SLCO3A1: variants seen among roughly 807,000 people sequenced by gnomAD.
SLCO3A1 encodes PGE1 transporter.
A neutral mutation model predicts 63.1 loss-of-function variants in SLCO3A1; 27 were observed. The ratio of observed to expected loss-of-function variants is 0.43; its 90% CI spans 0.32 to 0.59. SLCO3A1 has a LOEUF of 0.59. Among genes scored for constraint, SLCO3A1 ranks in the 20% least tolerant of loss-of-function variants. SLCO3A1 has a pLI of 0.09. For missense variants in SLCO3A1, 773 were observed against 945.8 expected (o/e 0.82, Z 2.40); for synonymous variants, 473 against 409.9 (o/e 1.15, Z -1.86).
At chr15:92,151,626 G>C (rs936157318) in intron 9 of SLCO3A1, among the ~76,000 whole-genome samples, 3 of 152,206 alleles carry the variant, frequency 2.0e-5, no homozygotes, top group South Asian at 2.1e-4. Context: ...CTGGGCACTG[G>C]CTGGGCTGAC....
At chr15:91,971,387 T>TC (rs1391723033) in intron 2 of SLCO3A1, among the ~76,000 whole-genome samples, 2 of 13,050 alleles carry the variant, frequency 1.5e-4, no homozygotes, top group African/African-American at 6.7e-4. Flanking sequence ...AGAGCGAGAC[T>TC]CCATCTCAAA....
intron 2 of SLCO3A1, among the ~76,000 whole-genome samples, chr15:91,958,045 G>A (rs1485813663): frequency 6.6e-6 from 1 of 151,992 alleles, no homozygotes; most frequent in Non-Finnish European, 1.5e-5. Flanking sequence ...TAAATATATT[G>A]GAAAAATTGT....
chr15:91,866,114 T>G (rs1897158656), intron 1 of SLCO3A1, among the ~76,000 whole-genome samples: 1 of 152,222 alleles, frequency 6.6e-6, no homozygotes, highest in Non-Finnish European at 1.5e-5. Flanking sequence ...ATGAACCTAG[T>G]TGGATGATTC....
rs189656866 is a variant in SLCO3A1, at chr15:92,054,378, C to T, written c.647-40503C>T. On this transcript the variant is annotated intron_variant, in intron 2 of 9. Transcript: ENST00000318445. ...GTTTGTTTTAACAGTTGTAGCACCA[C>T]AGTGAATCTTTAGTCAAGCAAAAAA... Among the ~76,000 whole-genome samples, 136 of 152,344 alleles carry T rather than the reference C, an allele frequency of 8.9e-4. 1 individual carries two copies. Among genetic ancestry groups the T allele is most frequent in the African/African-American group, 3.2e-3 (135 of 41,584 alleles).
chr15:91,989,328 A>G (rs1432560168), intron 2 of SLCO3A1, among the ~76,000 whole-genome samples: 1 of 152,192 alleles, frequency 6.6e-6, no homozygotes, highest in Non-Finnish European at 1.5e-5. Context: ...TGTAACATAC[A>G]TAGTCCCCTT....
intron 4 of SLCO3A1, among the ~76,000 whole-genome samples, chr15:92,112,110 G>A (rs1408577845): frequency 1.3e-5 from 2 of 152,192 alleles, no homozygotes; most frequent in East Asian, 3.9e-4. Context: ...ATTAAAGATT[G>A]TAGCATTTCA....
At chr15:92,157,049 G>A (rs1339208548) in intron 9 of SLCO3A1, 1 of 152,202 alleles carries the variant, frequency 6.6e-6, no homozygotes, top group Non-Finnish European at 1.5e-5. Flanking sequence ...AGCAAGTTAT[G>A]CATTGAAATA....
At chr15:92,123,517 T>C (rs1243728579) in intron 5 of SLCO3A1, among the ~76,000 whole-genome samples, 1 of 152,226 alleles carries the variant, frequency 6.6e-6, no homozygotes, top group Non-Finnish European at 1.5e-5. Flanking sequence ...ACAAGTCTTA[T>C]GTTTTTCTTT....
At chr15:92,023,337 A>G (rs1877829341) in intron 2 of SLCO3A1, among the ~76,000 whole-genome samples, 2 of 152,248 alleles carry the variant, frequency 1.3e-5, no homozygotes, top group African/African-American at 4.8e-5. Context: ...TAGCCTGGTC[A>G]TATTTTCAAG....
intron 7 of SLCO3A1, among the ~76,000 whole-genome samples, chr15:92,143,393 T>TAAAATA (rs1567142694): frequency 5.5e-4 from 2 of 3,664 alleles, no homozygotes; most frequent in African/African-American, 2.6e-3. Context: ...AATATATATA[T>TAAAATA]TATATAATAT....
chr15:92,054,480 C>T (rs2046998515), intron 2 of SLCO3A1, among the ~76,000 whole-genome samples: 1 of 152,096 alleles, frequency 6.6e-6, no homozygotes, highest in Non-Finnish European at 1.5e-5. Context: ...TTCTGGGATA[C>T]ATGTGCATGA....
At chr15:92,095,986 C>G (rs2047534023) in intron 3 of SLCO3A1, among the ~76,000 whole-genome samples, 1 of 152,182 alleles carries the variant, frequency 6.6e-6, no homozygotes, top group Non-Finnish European at 1.5e-5. Flanking sequence ...AAGAAATAAC[C>G]CCAAACCTAA....
Position 91,854,098 on chromosome 15 carries a change from C to T in SLCO3A1, c.180+10C>T. ...GGTGGGCGCCTACCTGGTGAGTCCC[C>T]GAGCCAACTCCGCCGCGGGCCCCTT... is the stretch of plus-strand genomic sequence containing the variant. On this transcript the variant is annotated intron_variant, in intron 1 of 9. Coordinates refer to ENST00000318445, the MANE Select transcript of SLCO3A1 (RefSeq NM_013272.4). This position sits in a 1 kb window ranked among gnomAD's most constrained non-coding sequence, Gnocchi z 6.4. 6.7e-7 allele frequency: 1 copy of T among 1,491,304 alleles called. No homozygotes were observed. Among genetic ancestry groups the T allele is most frequent in the South Asian group, 1.3e-5 (1 of 77,862 alleles). The allele number at this position is 1,491,304 out of a possible 1,614,324, so 92.4% of individuals were successfully genotyped here. A position where few individuals can be genotyped will look rare whatever the true frequency, so the allele number is the denominator to read the frequency against.
Position 91,972,131 on chromosome 15 carries a change from A to G in SLCO3A1, c.646+55673A>G, listed in dbSNP as rs112853485. On this transcript the variant is annotated intron_variant, in intron 2 of 9. Coordinates refer to ENST00000318445, the MANE Select transcript of SLCO3A1 (RefSeq NM_013272.4). ...ATAAAGGGGTGAGGGAGAGGGTTTTATGTAGAGCTCTATACCTATGATACC... is the reference window on the plus strand; with the variant it reads ...ATAAAGGGGTGAGGGAGAGGGTTTTGTGTAGAGCTCTATACCTATGATACC... Among the ~76,000 whole-genome samples the G allele has an allele frequency of 2.4e-3, 373 of 152,264 alleles. 1 individual carries two copies. The highest frequency in any genetic ancestry group is 3.8e-3 in the Non-Finnish European group (257 of 68,018).
chr15:92,058,820 C>T (rs1260615368), intron 2 of SLCO3A1, among the ~76,000 whole-genome samples: 4 of 152,200 alleles, frequency 2.6e-5, no homozygotes, highest in Non-Finnish European at 4.4e-5. Context: ...CGCCTGCCTT[C>T]TGGTGGTTGC....
At chr15:91,946,050 G>A (rs73530678) in intron 2 of SLCO3A1, among the ~76,000 whole-genome samples, 3,373 of 152,280 alleles carry the variant, frequency 0.022, 116 homozygotes, top group African/African-American at 0.077. Flanking sequence ...TGGTGATAGC[G>A]AAGTAAAAGC....
chr15:91,960,925 G>C (rs1209248164), intron 2 of SLCO3A1, among the ~76,000 whole-genome samples: 1 of 152,146 alleles, frequency 6.6e-6, no homozygotes, highest in Non-Finnish European at 1.5e-5. Flanking sequence ...GGAGCATTTT[G>C]GATATCAGAT....
At chr15:91,898,164 G>A (rs558718900) in intron 1 of SLCO3A1, among the ~76,000 whole-genome samples, 12 of 151,954 alleles carry the variant, frequency 7.9e-5, no homozygotes, top group African/African-American at 2.9e-4. Flanking sequence ...AGAGCCGTGT[G>A]CCTGTGTCAC....
At chr15:92,044,794 C>T (rs997662865) in intron 2 of SLCO3A1, among the ~76,000 whole-genome samples, 21 of 152,256 alleles carry the variant, frequency 1.4e-4, no homozygotes, top group Admixed American at 1.2e-3. Context: ...ATCTGTCCAT[C>T]GATTCCTCTT....
Sources: allele counts gnomAD v4.1 joint callset (sites outside exome capture counted in the v4.1 genomes callset), GRCh38; gene constraint gnomAD v4.1.1; non-coding constraint Gnocchi (gnomAD v3.1); transcripts MANE v1.5; gene names NCBI Gene and HGNC (gene_info 2026-07-23, HGNC 2026-07-21).